PRCC: variants seen among roughly 807,000 people sequenced by gnomAD.
The protein encoded by PRCC is proline-rich protein PRCC.
PRCC carries 10 observed loss-of-function variants against 44.0 expected under a neutral mutation model. The ratio of observed to expected loss-of-function variants is 0.23; its 90% CI spans 0.14 to 0.39. The LOEUF is 0.39. Ranked by LOEUF, PRCC falls within the 10% of genes least tolerant of loss-of-function variation. PRCC has a pLI of 1.00. For synonymous variants in PRCC, 278 were observed against 259.5 expected, an observed-to-expected ratio of 1.07 and a Z score of -0.69; for missense variants, 573 against 624.7, an observed-to-expected ratio of 0.92 and a Z score of 0.88.
chr1:156,795,296 T>TG (rs1652627641), intron 5 of PRCC, among the ~76,000 whole-genome samples: 1 of 128,688 alleles, frequency 7.8e-6, no homozygotes, highest in Non-Finnish European at 1.6e-5. Context: ...TTTTTTTTTT[T>TG]TTTTTTTTTT....
chr1:156,767,923 T>A lies in PRCC; in HGVS notation c.152T>A (p.Leu51Gln), dbSNP rs1651465021. 1 of 1,596,738 alleles carries A rather than the reference T, an allele frequency of 6.3e-7. No homozygotes were observed. The highest frequency in any genetic ancestry group is 8.5e-7 in the Non-Finnish European group (1 of 1,172,150). ...SLPAPKGPAL[L>Q]PPPPQMLAPA... ...CCTGCGCCCAAGGGTCCGGCCTTGCTGCCTCCGCCCCCTCAGATGCTGGCG... is the reference window on the plus strand; with the variant it reads ...CCTGCGCCCAAGGGTCCGGCCTTGCAGCCTCCGCCCCCTCAGATGCTGGCG... The change falls in exon 1 of 7, where the codon CTG becomes CAG. Residue 51 changes from leucine (L) to glutamine (Q), a missense_variant. Transcript: ENST00000271526.
At chr1:156,779,837 G>A (rs1176329784) in intron 1 of PRCC, among the ~76,000 whole-genome samples, 2 of 151,466 alleles carry the variant, frequency 1.3e-5, no homozygotes, top group East Asian at 3.9e-4. Flanking sequence ...CAATTTTGGA[G>A]TGCTAGGAAG....
intron 3 of PRCC, among the ~76,000 whole-genome samples, chr1:156,787,613 G>C (rs1652317041): frequency 2.8e-5 from 2 of 72,008 alleles, no homozygotes; most frequent in African/African-American, 4.5e-5. Context: ...TGTCACCCCA[G>C]GTGATGAGCA....
chr1:156,783,532 A>G (rs12041720), intron 2 of PRCC, among the ~76,000 whole-genome samples: 146,649 of 152,264 alleles, frequency 0.96, 70,851 homozygotes, highest in East Asian at 1. Context: ...GATCACCTGA[A>G]GTCAGGAGTT....
At chr1:156,783,194 C>T (rs536922881) in intron 2 of PRCC, among the ~76,000 whole-genome samples, 4 of 152,238 alleles carry the variant, frequency 2.6e-5, no homozygotes, top group South Asian at 4.1e-4. Flanking sequence ...TGTGAGCCAC[C>T]GCGCCTGGCC....
chr1:156,797,350 C>T lies in PRCC; in HGVS notation c.1389+9C>T. On this transcript the variant is annotated intron_variant, in intron 6 of 6. Coordinates refer to ENST00000271526, the MANE Select transcript of PRCC (RefSeq NM_005973.5). ...CATATCTTATTCATCAGGTGAGAGA[C>T]AGCTGAGGGCTCTGGCTCAGGCAGG... 6.2e-7 allele frequency: 1 copy of T among 1,614,142 alleles called. No homozygotes were observed. Among genetic ancestry groups the T allele is most frequent in the South Asian group, 1.1e-5 (1 of 91,084 alleles).
Position 156,768,026 on chromosome 1 carries a change from C to G in PRCC, c.255C>G (p.Phe85Leu), listed in dbSNP as rs1162082209. The change falls in exon 1 of 7, where the codon TTC becomes TTG. Residue 85 changes from phenylalanine to leucine, a missense_variant. This residue lies in a region of PRCC where 245 missense variants were observed against 188.5 expected (regional missense o/e 1.30). Coordinates refer to ENST00000271526, the MANE Select transcript of PRCC (RefSeq NM_005973.5). ...TTCAGCCTCCTCCCCCCTTGCCCTT[C>G]GGCCTGGGAGGCTTCCCCCCACCTC... Reference protein sequence around the residue: ...PRLQPPPPLPFGLGGFPPPPG... With the variant: ...PRLQPPPPLPLGLGGFPPPPG... The G allele has an allele frequency of 1.3e-6, 2 of 1,571,020 alleles. No individual in the cohort carries two copies. Among genetic ancestry groups the G allele is most frequent in the Non-Finnish European group, 8.6e-7 (1 of 1,156,886 alleles).
intron 6 of PRCC, among the ~76,000 whole-genome samples, chr1:156,799,922 C>T (rs1558056648): frequency 6.6e-6 from 1 of 152,172 alleles, no homozygotes; most frequent in Non-Finnish European, 1.5e-5. Flanking sequence ...ACTGTATCTC[C>T]AGGCTAAGCA....
intron 2 of PRCC, among the ~76,000 whole-genome samples, chr1:156,782,910 A>T (rs1004643164): frequency 2.0e-5 from 3 of 150,912 alleles, no homozygotes; most frequent in Non-Finnish European, 3.0e-5. Context: ...GACAATATAT[A>T]TATTTTTTTT....
In PRCC at chr1:156,767,749, G is replaced by A; in HGVS notation, c.-23G>A. ...AAGTAGGCCTCATCTGCCGGCAAGG[G>A]CGCCCGAAACGCGGGAGGCGCCATG... On this transcript the variant is annotated 5_prime_UTR_variant, in exon 1 of 7. Coordinates refer to ENST00000271526, the MANE Select transcript of PRCC (RefSeq NM_005973.5). 6.4e-7 allele frequency: 1 copy of A among 1,566,670 alleles called. No individual in the cohort carries two copies. Among genetic ancestry groups the A allele is most frequent in the East Asian group, 2.3e-5 (1 of 42,576 alleles).
chr1:156,791,166 A>C, intron 3 of PRCC: 1 of 1,402,926 alleles, frequency 7.1e-7, no homozygotes, highest in Non-Finnish European at 9.6e-7. Flanking sequence ...CAGCTTTGTA[A>C]GTTTCATTGT....
Position 156,786,744 on chromosome 1 carries a change from C to T in PRCC, c.653C>T (p.Ser218Phe), listed in dbSNP as rs773805279. 9 of 1,614,192 alleles carry T rather than the reference C, an allele frequency of 5.6e-6. No individual in the cohort carries two copies. In the South Asian group the frequency reaches 8.8e-5, roughly 16 times the overall value. ...GATGGCTCCCCTGATACTAAGCCCT[C>T]CAGACTGGCTTCTAAGACCAAGACT... ...PSDGSPDTKPSRLASKTKTSS... is the reference protein window; with the variant it reads ...PSDGSPDTKPFRLASKTKTSS... Residue 218 changes from serine to phenylalanine, a missense_variant, in exon 3 of 7, where the codon TCC becomes TTC. This residue lies in a region of PRCC where 118 missense variants were observed against 166.7 expected (regional missense o/e 0.71). Coordinates refer to ENST00000271526, the MANE Select transcript of PRCC (RefSeq NM_005973.5).
Position 156,767,638 on chromosome 1 carries a change from C to T in PRCC, c.-134C>T, listed in dbSNP as rs189939276. 3 of 843,588 alleles carry T rather than the reference C, an allele frequency of 3.6e-6. No individual in the cohort carries two copies. In the African/African-American group the frequency reaches 5.2e-5, roughly 15 times the overall value. The allele number at this position is 843,588 out of a possible 1,614,324, so 52.3% of individuals were successfully genotyped here. On this transcript the variant is annotated 5_prime_UTR_variant, in exon 1 of 7. Coordinates refer to ENST00000271526, the MANE Select transcript of PRCC (RefSeq NM_005973.5). ...AGCCATGAGTTTCTGCCGGGGCTAG[C>T]CCTAGAGTACGGAGCAGGCGGACTT... is the stretch of plus-strand genomic sequence containing the variant.
chr1:156,778,808 A>ATT (rs77425150), intron 1 of PRCC, among the ~76,000 whole-genome samples: 1 of 144,698 alleles, frequency 6.9e-6, no homozygotes. Flanking sequence ...TCATATGGCA[A>ATT]TTTTTTTTTA....
At chr1:156,799,892 G>A (rs1252457010) in intron 6 of PRCC, among the ~76,000 whole-genome samples, 2 of 151,560 alleles carry the variant, frequency 1.3e-5, no homozygotes, top group African/African-American at 2.4e-5. Context: ...ACCACACACT[G>A]TATTCAACAC....
intron 4 of PRCC, 146 bp downstream of exon 4, chr1:156,791,938 A>T: frequency 2.7e-6 from 2 of 729,420 alleles, no homozygotes; most frequent in Non-Finnish European, 4.4e-6. Context: ...GAGAAACTCT[A>T]AATAATAGTG....
rs755767793 is a variant in PRCC at position 156,791,155 on chromosome 1, C to T, written c.1084-542C>T. The T allele has an allele frequency of 2.1e-6, 3 of 1,414,982 alleles. No individual in the cohort carries two copies. The African/African-American group carries it at 4.3e-5, about 20-fold the overall frequency. 87.7% of individuals were successfully genotyped at this position (1,414,982 alleles called of 1,614,324 possible). On this transcript the variant is annotated intron_variant, in intron 3 of 6. Coordinates refer to ENST00000271526, the MANE Select transcript of PRCC (RefSeq NM_005973.5). ...TCTGGTAAACGAACCTGCTTTGTTC[C>T]CAGCTTTGTAAGTTTCATTGTATCC...
intron 1 of PRCC, among the ~76,000 whole-genome samples, chr1:156,772,851 A>C (rs1369752913): frequency 1.3e-5 from 2 of 152,234 alleles, no homozygotes; most frequent in Non-Finnish European, 2.9e-5. Flanking sequence ...CTGGGCACTT[A>C]CTTTAGTTTA....
intron 3 of PRCC, among the ~76,000 whole-genome samples, chr1:156,787,974 G>A (rs1652335655): frequency 6.6e-6 from 1 of 152,098 alleles, no homozygotes; most frequent in Admixed American, 6.6e-5. Context: ...TGGGACTACA[G>A]GCACATTCCA....
Sources: gnomAD v4.1 joint callset for allele counts (sites outside exome capture counted in the v4.1 genomes callset) on GRCh38, gnomAD v4.1.1 for gene constraint, gnomAD v4.1.1 regional missense constraint, MANE v1.5 for transcripts, NCBI Gene and HGNC (gene_info 2026-07-23, HGNC 2026-07-21) for gene names.